Variants in PDCL2 observed in about 807,000 individuals in gnomAD.
The protein encoded by PDCL2 is phosducin like 2, also known as phosducin-like protein 2.
In PDCL2, 23 loss-of-function variants were observed where a neutral mutation model predicts 30.3. The ratio of observed to expected loss-of-function variants is 0.76; its 90% CI spans 0.55 to 1.08. The LOEUF (loss-of-function observed/expected upper bound fraction) is 1.08. Among genes scored for constraint, PDCL2 ranks in the 50% least tolerant of loss-of-function variants. PDCL2 has a pLI of 0.00. For missense variants in PDCL2, 243 were observed against 282.3 expected (o/e 0.86, Z 1.00); for synonymous variants, 68 against 86.2 (o/e 0.79, Z 1.17).
intron 3 of PDCL2, among the ~76,000 whole-genome samples, chr4:55,574,275 T>C (rs764589190): frequency 4.6e-5 from 7 of 152,190 alleles, no homozygotes; most frequent in African/African-American, 7.2e-5. Context: ...TAGAGACAGG[T>C]AGGGTGATCA....
At position 55,592,097 on chromosome 4, in the gene PDCL2, C is replaced by A. The variant is rs1733018463; in HGVS notation, c.6+7G>T. 6.2e-7 allele frequency: 1 copy of A among 1,608,660 alleles called. No individual in the cohort carries two copies. The highest frequency in any genetic ancestry group is 8.5e-7 in the Non-Finnish European group (1 of 1,178,292). ...TCCAGGGTGGCTCGGCAGGTCCCGA[C>A]CCTCACCTGCATGATGCGCTGCTCT... On this transcript the variant is annotated splice_region_variant and intron_variant, in intron 1 of 5. Transcript: ENST00000295645.
At chr4:55,562,151 T>C (rs554921008) in intron 5 of PDCL2, among the ~76,000 whole-genome samples, 1 of 152,134 alleles carries the variant, frequency 6.6e-6, no homozygotes, top group South Asian at 2.1e-4. Flanking sequence ...AGAAATATAG[T>C]TGGAGAGGTG....
intron 5 of PDCL2, among the ~76,000 whole-genome samples, chr4:55,557,655 A>C (rs763106594): frequency 6.6e-6 from 1 of 152,032 alleles, no homozygotes. Context: ...GTCCTCTCAC[A>C]TGCAAAAGAC....
chr4:55,582,029 C>A, intron 2 of PDCL2, 88 bp downstream of exon 2: 1 of 1,531,134 alleles, frequency 6.5e-7, no homozygotes, highest in Non-Finnish European at 8.9e-7. Context: ...TTTCTAATGT[C>A]CTCTCTCCCA....
Position 55,571,612 on chromosome 4 carries a change from G to A in PDCL2, c.219-1751C>T, listed in dbSNP as rs71627107. Reference sequence around the variant, plus strand: ...TGAGGCAGGAGAATCACTTGAACCCGGGAGGCGGAGGTTGCAGTGAGCTGA... The same window carrying A: ...TGAGGCAGGAGAATCACTTGAACCCAGGAGGCGGAGGTTGCAGTGAGCTGA... On this transcript the variant is annotated intron_variant, in intron 3 of 5. Transcript: ENST00000295645. Among the ~76,000 whole-genome samples the A allele has an allele frequency of 2.5e-3, 98 of 39,704 alleles. 2 individuals carry two copies. Among genetic ancestry groups the A allele is most frequent in the East Asian group, 0.011 (5 of 476 alleles). The allele number at this position is 39,704 out of a possible 152,430, so 26.0% of individuals were successfully genotyped here.
intron 1 of PDCL2, among the ~76,000 whole-genome samples, chr4:55,584,615 A>G (rs1732813838): frequency 6.6e-6 from 1 of 152,130 alleles, no homozygotes; most frequent in Admixed American, 6.5e-5. Context: ...GTATCCATTT[A>G]TTAGTTCTAA....
chr4:55,589,148 C>G (rs966619826), intron 1 of PDCL2, among the ~76,000 whole-genome samples: 3 of 152,080 alleles, frequency 2.0e-5, no homozygotes, highest in Admixed American at 6.5e-5. Context: ...CATGAGCCAC[C>G]GCGCCCAGCC....
chr4:55,585,671 C>T lies in PDCL2; in HGVS notation c.7-3434G>A, dbSNP rs185572080. On this transcript the variant is annotated intron_variant, in intron 1 of 5. Transcript: ENST00000295645. ...AAATTTACTGGTGAAGGCATCAGGT[C>T]CCGGACTTTTCGTTGATGGGAGCCT... Among the ~76,000 whole-genome samples the T allele has an allele frequency of 3.3e-4, 51 of 152,278 alleles. 1 individual carries two copies. Among genetic ancestry groups the T allele is most frequent in the Admixed American group, 2.0e-3 (31 of 15,292 alleles).
chr4:55,576,128 GTTGCCTAGGC>G, intron 3 of PDCL2, among the ~76,000 whole-genome samples: 1 of 151,420 alleles, frequency 6.6e-6, no homozygotes, highest in East Asian at 1.9e-4. Flanking sequence ...GTCTTGCTTT[GTTGCCTAGGC>G]TGGAGTGCCG....
Position 55,562,468 on chromosome 4 carries a change from AT to A in PDCL2, c.506del (p.Asn169MetfsTer4). On this transcript the variant is annotated frameshift_variant, in exon 5 of 6. Coordinates refer to ENST00000295645, the MANE Select transcript of PDCL2 (RefSeq NM_152401.3). LOFTEE classifies it high-confidence loss of function. ...CAATGAATTTGGCTTCTATCTGACCATTTTTATACACAAAAATTGTTGGTAA... is the reference window on the plus strand; with the variant it reads ...CAATGAATTTGGCTTCTATCTGACCATTTTATACACAAAAATTGTTGGTAA... ...NCLPTIFVYK[N>X]GQIEAKFIGI... 1 of 1,541,994 alleles carries A rather than the reference AT, an allele frequency of 6.5e-7. No homozygotes were observed. Among genetic ancestry groups the A allele is most frequent in the Non-Finnish European group, 8.7e-7 (1 of 1,144,950 alleles).
At chr4:55,574,087 T>C (rs1732501273) in intron 3 of PDCL2, among the ~76,000 whole-genome samples, 3 of 152,190 alleles carry the variant, frequency 2.0e-5, no homozygotes, top group African/African-American at 7.2e-5. Flanking sequence ...GAATTTGCTT[T>C]AAATCAGCAC....
At chr4:55,565,597 C>A (rs1732240497) in intron 4 of PDCL2, among the ~76,000 whole-genome samples, 1 of 152,126 alleles carries the variant, frequency 6.6e-6, no homozygotes. Context: ...ATGTCCCTCC[C>A]ACGACAAATG....
chr4:55,584,957 C>T (rs962562761), intron 1 of PDCL2, among the ~76,000 whole-genome samples: 4 of 152,100 alleles, frequency 2.6e-5, no homozygotes. Context: ...AATGTTTTTT[C>T]TGCATCTAAC....
chr4:55,564,865 G>A lies in PDCL2; in HGVS notation c.363-2253C>T, dbSNP rs115676265. On this transcript the variant is annotated intron_variant, in intron 4 of 5. Coordinates refer to ENST00000295645, the MANE Select transcript of PDCL2 (RefSeq NM_152401.3). ...AAAATTTTAACAGTGAGAGAATTAT[G>A]ACAGTGAAAGAGATTTGATCTAACC... Among the ~76,000 whole-genome samples the A allele has an allele frequency of 1.5e-3, 232 of 152,298 alleles. 1 individual carries two copies. The highest frequency in any genetic ancestry group is 4.9e-3 in the African/African-American group (204 of 41,558).
At chr4:55,570,594 T>C (rs1475459466) in intron 3 of PDCL2, among the ~76,000 whole-genome samples, 1 of 152,142 alleles carries the variant, frequency 6.6e-6, no homozygotes, top group Non-Finnish European at 1.5e-5. Flanking sequence ...AAGGGATTAC[T>C]GGGAAAAAAA....
At chr4:55,588,041 T>C (rs1041553671) in intron 1 of PDCL2, among the ~76,000 whole-genome samples, 3 of 152,224 alleles carry the variant, frequency 2.0e-5, no homozygotes, top group Non-Finnish European at 4.4e-5. Flanking sequence ...CCTTTAGCTA[T>C]AGGACTTTGA....
At chr4:55,570,357 G>A (rs960096626) in intron 3 of PDCL2, among the ~76,000 whole-genome samples, 2 of 152,088 alleles carry the variant, frequency 1.3e-5, no homozygotes, top group Non-Finnish European at 2.9e-5. Flanking sequence ...TCTTCACTTC[G>A]AAGACTTTGT....
intron 1 of PDCL2, among the ~76,000 whole-genome samples, chr4:55,582,964 C>A (rs2110166753): frequency 6.6e-6 from 1 of 152,014 alleles, no homozygotes; most frequent in Non-Finnish European, 1.5e-5. Context: ...GCATAGTATT[C>A]CCTTTTATTT....
At chr4:55,582,610 T>G (rs1245291942) in intron 1 of PDCL2, among the ~76,000 whole-genome samples, 1 of 152,208 alleles carries the variant, frequency 6.6e-6, no homozygotes, top group Non-Finnish European at 1.5e-5. Context: ...CTTCCTTTTT[T>G]CTTTTTTTTA....
Sources: gnomAD v4.1 joint callset for allele counts (sites outside exome capture counted in the v4.1 genomes callset) on GRCh38, gnomAD v4.1.1 for gene constraint, MANE v1.5 for transcripts, NCBI Gene and HGNC (gene_info 2026-07-23, HGNC 2026-07-21) for gene names.